CNTNAP5: variants seen among roughly 807,000 people sequenced by gnomAD.
CNTNAP5 encodes the protein contactin associated protein family member 5, also known as contactin-associated protein-like 5.
In CNTNAP5, 72 loss-of-function variants were observed where a neutral mutation model predicts 150.2. The observed-to-expected ratio is 0.48, with a 90% confidence interval of 0.40 to 0.58. CNTNAP5 has a LOEUF of 0.58. Among genes scored for constraint, CNTNAP5 ranks in the 20% least tolerant of loss-of-function variants. CNTNAP5 has a pLI of 0.00. For synonymous variants in CNTNAP5, 672 were observed against 619.8 expected (o/e 1.08, Z -1.25); for missense variants, 1,636 against 1,626.2 (o/e 1.01, Z -0.10).
chr2:124,041,040 A>C (rs912175427), intron 1 of CNTNAP5, among the ~76,000 whole-genome samples: 2 of 152,168 alleles, frequency 1.3e-5, no homozygotes, highest in Non-Finnish European at 2.9e-5. Context: ...AAAGACCTGG[A>C]CTTAGGCAAA....
intron 3 of CNTNAP5, among the ~76,000 whole-genome samples, chr2:124,309,729 T>C (rs1156503702): frequency 2.6e-5 from 4 of 152,216 alleles, no homozygotes; most frequent in Non-Finnish European, 4.4e-5. Flanking sequence ...ACGCATGTGA[T>C]GTCCCTTGCA....
At chr2:124,706,837 G>A (rs1248695001) in intron 13 of CNTNAP5, among the ~76,000 whole-genome samples, 104 of 7,334 alleles carry the variant, frequency 0.014, 9 homozygotes, top group African/African-American at 0.05. Flanking sequence ...AGAGGAGGAG[G>A]GGGAGGAAGG....
At chr2:124,594,371 C>T (rs1217947426) in intron 11 of CNTNAP5, among the ~76,000 whole-genome samples, 1 of 151,376 alleles carries the variant, frequency 6.6e-6, no homozygotes, top group Non-Finnish European at 1.5e-5. Context: ...CCAGTTTTCC[C>T]AGCATCGTTT....
At chr2:124,655,989 A>AAGAG (rs1206516503) in intron 13 of CNTNAP5, among the ~76,000 whole-genome samples, 1 of 149,614 alleles carries the variant, frequency 6.7e-6, no homozygotes, top group Non-Finnish European at 1.5e-5. Context: ...GAAAGAAAGA[A>AAGAG]AGAAAGAAAA....
intron 19 of CNTNAP5, among the ~76,000 whole-genome samples, chr2:124,827,030 T>A (rs1422149951): frequency 3.3e-5 from 5 of 152,078 alleles, no homozygotes; most frequent in Non-Finnish European, 7.4e-5. Flanking sequence ...AAGCGATCCT[T>A]CCATTTCAGT....
At chr2:124,693,679 C>T (rs1008803352) in intron 13 of CNTNAP5, among the ~76,000 whole-genome samples, 11 of 152,060 alleles carry the variant, frequency 7.2e-5, no homozygotes, top group Non-Finnish European at 1.2e-4. Context: ...GCTGTCCTTT[C>T]CCTACTGGGC....
At chr2:124,429,442 AC>A (rs1358594745) in intron 4 of CNTNAP5, among the ~76,000 whole-genome samples, 1 of 152,234 alleles carries the variant, frequency 6.6e-6, no homozygotes, top group Non-Finnish European at 1.5e-5. Flanking sequence ...ATTATAAAAT[AC>A]TCAATACTAG....
chr2:124,599,878 G>A (rs1463175666), intron 11 of CNTNAP5, among the ~76,000 whole-genome samples: 1 of 151,600 alleles, frequency 6.6e-6, no homozygotes, highest in Non-Finnish European at 1.5e-5. Flanking sequence ...TATAGGAACA[G>A]GTCGATTTAA....
chr2:124,872,887 C>G (rs1221602181), intron 21 of CNTNAP5, among the ~76,000 whole-genome samples: 1 of 151,968 alleles, frequency 6.6e-6, no homozygotes, highest in Non-Finnish European at 1.5e-5. Context: ...AACAATAAGG[C>G]TGGTGAATTG....
At chr2:124,362,182 C>T (rs573776987) in intron 3 of CNTNAP5, among the ~76,000 whole-genome samples, 178 of 152,312 alleles carry the variant, frequency 1.2e-3, no homozygotes, top group African/African-American at 2.3e-3. Flanking sequence ...GCATGGTGCG[C>T]GAACCCGCTG....
intron 1 of CNTNAP5, among the ~76,000 whole-genome samples, chr2:124,132,945 GC>G (rs1176246837): frequency 2.0e-5 from 3 of 152,062 alleles, no homozygotes; most frequent in African/African-American, 7.2e-5. Flanking sequence ...CTTTTGTCAT[GC>G]AGCTCTATTC....
chr2:124,618,689 G>A (rs72972586), intron 12 of CNTNAP5, among the ~76,000 whole-genome samples: 1,807 of 152,236 alleles, frequency 0.012, 29 homozygotes, highest in African/African-American at 0.041. Context: ...GAGAAGGCTG[G>A]AGATGTGCAG....
chr2:124,486,396 A>G (rs1182667579), intron 7 of CNTNAP5, among the ~76,000 whole-genome samples: 2 of 152,212 alleles, frequency 1.3e-5, no homozygotes, highest in African/African-American at 4.8e-5. Context: ...AGAAATCACC[A>G]CTAAAGAACT....
chr2:124,412,866 C>A (rs1691809365), intron 3 of CNTNAP5, among the ~76,000 whole-genome samples: 1 of 102,040 alleles, frequency 9.8e-6, no homozygotes, highest in Non-Finnish European at 1.9e-5. Flanking sequence ...CAACAAAAGC[C>A]AAAATTGACA....
At chr2:124,646,347 C>T (rs911989076) in intron 12 of CNTNAP5, among the ~76,000 whole-genome samples, 9 of 152,128 alleles carry the variant, frequency 5.9e-5, no homozygotes, top group Admixed American at 3.9e-4. Context: ...GCTAATTAAT[C>T]GTGGTGACTT....
chr2:124,285,526 G>A (rs1688127410), intron 3 of CNTNAP5, among the ~76,000 whole-genome samples: 1 of 152,050 alleles, frequency 6.6e-6, no homozygotes, highest in African/African-American at 2.4e-5. Context: ...GTGGCCTGGT[G>A]TGGTGGCTCA....
intron 13 of CNTNAP5, among the ~76,000 whole-genome samples, chr2:124,689,527 ATG>A (rs1012887767): frequency 3.9e-5 from 6 of 152,058 alleles, no homozygotes; most frequent in Admixed American, 2.6e-4. Context: ...GTATGCACAC[ATG>A]TGTTTGCCTG....
At chr2:124,838,634 A>G (rs1244818909) in intron 19 of CNTNAP5, among the ~76,000 whole-genome samples, 1 of 152,154 alleles carries the variant, frequency 6.6e-6, no homozygotes, top group Non-Finnish European at 1.5e-5. Flanking sequence ...GTCACAGTCT[A>G]CACAAACCCC....
chr2:124,146,463 G>C lies in CNTNAP5; in HGVS notation c.83-75242G>C, dbSNP rs549731351. The stretch of plus-strand genomic sequence containing the variant: ...TCTGGGAATCTATCCTAAATAAAGA[G>C]AGAGAAATGTTCACAGATTTTTTTT... On this transcript the variant is annotated intron_variant, in intron 1 of 23. Transcript: ENST00000682447. 3.3e-5 allele frequency among the ~76,000 whole-genome samples: 5 copies of C among 152,096 alleles called. No individual in the cohort carries two copies. In the South Asian group the frequency reaches 1.0e-3, roughly 32 times the overall value.
Sources: gnomAD v4.1 joint callset for allele counts (sites outside exome capture counted in the v4.1 genomes callset) on GRCh38, gnomAD v4.1.1 for gene constraint, MANE v1.5 for transcripts, NCBI Gene and HGNC (gene_info 2026-07-23, HGNC 2026-07-21) for gene names.